ATP8A2: variants seen among roughly 807,000 people sequenced by gnomAD.
ATP8A2 encodes the protein phospholipid-transporting ATPase IB.
A neutral mutation model predicts 165.6 loss-of-function variants in ATP8A2; 100 were observed. That is an observed-to-expected ratio of 0.60 (90% CI 0.51 to 0.71). ATP8A2 has a LOEUF of 0.71. Ranked by LOEUF, ATP8A2 falls within the 30% of genes least tolerant of loss-of-function variation. ATP8A2 has a pLI of 0.00. For missense variants in ATP8A2, 1,227 were observed against 1,479.5 expected, an observed-to-expected ratio of 0.83 and a Z score of 2.80; for synonymous variants, 543 against 548.8, an observed-to-expected ratio of 0.99 and a Z score of 0.15.
chr13:25,718,774 T>A (rs2043309158), intron 25 of ATP8A2, among the ~76,000 whole-genome samples: 1 of 152,238 alleles, frequency 6.6e-6, no homozygotes, highest in Non-Finnish European at 1.5e-5. Context: ...CTAAGGTTAG[T>A]TAGAAGTAAA....
At chr13:25,684,876 C>T (rs1352870481) in intron 24 of ATP8A2, among the ~76,000 whole-genome samples, 1 of 152,056 alleles carries the variant, frequency 6.6e-6, no homozygotes, top group Non-Finnish European at 1.5e-5. Flanking sequence ...TGGAGTGTAA[C>T]CTGTAGTGTA....
intron 25 of ATP8A2, among the ~76,000 whole-genome samples, chr13:25,704,470 C>A (rs537124534): frequency 6.6e-6 from 1 of 152,026 alleles, no homozygotes; most frequent in South Asian, 2.1e-4. Context: ...TCCCAAATAG[C>A]TGGGACTAGC....
intron 35 of ATP8A2, 42 bp from the exon 36 acceptor site, chr13:26,012,489 T>G (rs1390453804): frequency 7.5e-6 from 11 of 1,471,634 alleles, no homozygotes; most frequent in Non-Finnish European, 1.0e-5. Flanking sequence ...GCAACCCGAG[T>G]GTTCAGGTGA....
intron 1 of ATP8A2, among the ~76,000 whole-genome samples, chr13:25,454,381 G>A (rs900625406): frequency 6.6e-6 from 1 of 151,760 alleles, no homozygotes; most frequent in Non-Finnish European, 1.5e-5. Flanking sequence ...GTCCTCTGCC[G>A]AGCAGACAGA....
intron 2 of ATP8A2, among the ~76,000 whole-genome samples, chr13:25,522,423 G>C (rs1184745939): frequency 6.6e-6 from 1 of 151,966 alleles, no homozygotes; most frequent in African/African-American, 2.4e-5. Context: ...TAATTTCTCT[G>C]TCCAGGACTT....
intron 27 of ATP8A2, among the ~76,000 whole-genome samples, chr13:25,799,524 G>C (rs1950574810): frequency 6.6e-6 from 1 of 152,198 alleles, no homozygotes; most frequent in African/African-American, 2.4e-5. Flanking sequence ...CGGAATCATT[G>C]CCATAGATGA....
intron 24 of ATP8A2, among the ~76,000 whole-genome samples, chr13:25,619,862 A>C (rs1284182793): frequency 6.6e-6 from 1 of 152,202 alleles, no homozygotes; most frequent in Non-Finnish European, 1.5e-5. Context: ...CAGACCTTTA[A>C]AAATGTGAAA....
At chr13:25,583,452 C>T (rs1043265220) in intron 23 of ATP8A2, among the ~76,000 whole-genome samples, 5 of 152,088 alleles carry the variant, frequency 3.3e-5, no homozygotes, top group African/African-American at 7.2e-5. Flanking sequence ...AGATCTTGAG[C>T]GTTCCCGCTG....
intron 27 of ATP8A2, among the ~76,000 whole-genome samples, chr13:25,813,792 A>G (rs1950940102): frequency 6.6e-6 from 1 of 152,174 alleles, no homozygotes; most frequent in Admixed American, 6.5e-5. Context: ...GGATGAGCTT[A>G]ACATCTAAAT....
At chr13:25,900,053 C>T (rs1404523566) in intron 33 of ATP8A2, among the ~76,000 whole-genome samples, 2 of 152,096 alleles carry the variant, frequency 1.3e-5, no homozygotes, top group Non-Finnish European at 2.9e-5. Context: ...CAGGATCATA[C>T]ATTTGGAAGA....
intron 1 of ATP8A2, among the ~76,000 whole-genome samples, chr13:25,429,837 G>C (rs1187708560): frequency 6.6e-6 from 1 of 152,158 alleles, no homozygotes; most frequent in Admixed American, 6.5e-5. Flanking sequence ...TGGAGCCAGG[G>C]GTAAGACATT....
chr13:25,935,103 ACT>A (rs1412906007), intron 33 of ATP8A2, among the ~76,000 whole-genome samples: 1 of 152,186 alleles, frequency 6.6e-6, no homozygotes, highest in African/African-American at 2.4e-5. Context: ...CAAAGATGAC[ACT>A]CTGTTTTACA....
chr13:25,769,112 C>G lies in ATP8A2; in HGVS notation c.2451C>G (p.Leu817=). Residue 817 remains leucine, a synonymous_variant, in exon 26 of 37, where the codon CTC becomes CTG. Transcript: ENST00000381655. The part of the protein sequence containing the change: ...VVKKRVKAIT[L]AIGDGANDVG... ...AGAAGCGGGTGAAGGCCATCACCCT[C>G]GCCATCGGAGACGGCGCCAACGATG... is the stretch of plus-strand genomic sequence containing the variant. 1.9e-6 allele frequency: 3 copies of G among 1,614,180 alleles called. No individual in the cohort carries two copies. Among genetic ancestry groups the G allele is most frequent in the East Asian group, 2.2e-5 (1 of 44,874 alleles).
chr13:25,602,306 A>G (rs1219615289), intron 24 of ATP8A2, among the ~76,000 whole-genome samples: 1 of 152,168 alleles, frequency 6.6e-6, no homozygotes, highest in Non-Finnish European at 1.5e-5. Flanking sequence ...ATGAGGAAAC[A>G]GGGCTGGCGG....
chr13:25,877,839 T>C (rs1482791087), intron 33 of ATP8A2, among the ~76,000 whole-genome samples: 1 of 152,226 alleles, frequency 6.6e-6, no homozygotes. Context: ...AGTAGCTGTG[T>C]TCATTAAGGA....
At chr13:25,465,292 G>A (rs61947625) in intron 1 of ATP8A2, among the ~76,000 whole-genome samples, 5,718 of 152,150 alleles carry the variant, frequency 0.038, 140 homozygotes, top group Non-Finnish European at 0.05. Context: ...AGGCCACTGA[G>A]GTAGAAAGAA....
At chr13:25,469,846 TC>T (rs1202476279) in intron 2 of ATP8A2, among the ~76,000 whole-genome samples, 1 of 152,214 alleles carries the variant, frequency 6.6e-6, no homozygotes, top group Non-Finnish European at 1.5e-5. Context: ...TAAAATTTTT[TC>T]TGCTGTGCAA....
chr13:25,907,181 C>T (rs1369025947), intron 33 of ATP8A2, among the ~76,000 whole-genome samples: 2 of 152,060 alleles, frequency 1.3e-5, no homozygotes, highest in Non-Finnish European at 2.9e-5. Context: ...GGTGAGTAAC[C>T]ACTGTGCTAC....
chr13:25,464,568 C>T (rs973175007), intron 1 of ATP8A2, among the ~76,000 whole-genome samples: 2 of 152,090 alleles, frequency 1.3e-5, no homozygotes, highest in Admixed American at 6.5e-5. Flanking sequence ...GAAATGGTCC[C>T]TACCAGTTCC....
Sources: allele counts gnomAD v4.1 joint callset (sites outside exome capture counted in the v4.1 genomes callset), GRCh38; gene constraint gnomAD v4.1.1; transcripts MANE v1.5; gene names NCBI Gene and HGNC (gene_info 2026-07-23, HGNC 2026-07-21).